Variants in SVIL observed in about 807,000 individuals in gnomAD.
The protein encoded by SVIL is supervillin.
A neutral mutation model predicts 240.4 loss-of-function variants in SVIL; 101 were observed. The observed-to-expected ratio is 0.42, with a 90% confidence interval of 0.36 to 0.50. The LOEUF (loss-of-function observed/expected upper bound fraction) is 0.50. Ranked by LOEUF, SVIL falls within the 20% of genes least tolerant of loss-of-function variation. The pLI, the probability that SVIL is intolerant of heterozygous loss-of-function variation, is 0.01. For missense variants in SVIL, 2,512 were observed against 2,818.7 expected, an observed-to-expected ratio of 0.89 and a Z score of 2.46; for synonymous variants, 999 against 1,100.0, an observed-to-expected ratio of 0.91 and a Z score of 1.82.
chr10:29,589,065 T>C (rs1310706062), intron 1 of SVIL, among the ~76,000 whole-genome samples: 1 of 152,154 alleles, frequency 6.6e-6, no homozygotes, highest in Non-Finnish European at 1.5e-5. Context: ...TTAAGTGGAT[T>C]GAGATGCCTC....
At position 29,523,863 on chromosome 10, in the gene SVIL, A is replaced by C; in HGVS notation, c.2751T>G (p.Asn917Lys). ...GAATGCTTCTAACTGGAGAGTCCGAATTTTCTATTGAAGAAGAAAACTTAT... is the reference window on the plus strand; with the variant it reads ...GAATGCTTCTAACTGGAGAGTCCGACTTTTCTATTGAAGAAGAAAACTTAT... ...TDYKFSSSIE[N>K]SDSPVRSILK... The change falls in exon 15 of 38, where the codon AAT (asparagine) becomes AAG (lysine). Residue 917 changes from asparagine to lysine, a missense_variant. Coordinates refer to ENST00000355867, the MANE Select transcript of SVIL (RefSeq NM_021738.3). 6.2e-7 allele frequency: 1 copy of C among 1,614,180 alleles called. No homozygotes were observed. The highest frequency in any genetic ancestry group is 1.1e-5 in the South Asian group (1 of 91,082).
chr10:29,663,817 G>C (rs1959185301), intron 2 of SVIL, among the ~76,000 whole-genome samples: 1 of 152,366 alleles, frequency 6.6e-6, no homozygotes, highest in Admixed American at 6.5e-5. Flanking sequence ...GCAGTGGGCA[G>C]AGCAGCCGCT....
intron 17 of SVIL, among the ~76,000 whole-genome samples, chr10:29,501,986 A>G (rs369579578): frequency 3.2e-4 from 49 of 152,292 alleles, no homozygotes; most frequent in African/African-American, 1.1e-3. Flanking sequence ...TGGTATCTTC[A>G]AATCCAAAAT....
intron 29 of SVIL, among the ~76,000 whole-genome samples, chr10:29,476,948 C>T (rs1014615766): frequency 3.3e-5 from 5 of 152,096 alleles, no homozygotes; most frequent in African/African-American, 1.2e-4. Context: ...GTGCCACCTC[C>T]GCCTCCCGGG....
At chr10:29,661,738 A>T (rs1959166201) in intron 2 of SVIL, among the ~76,000 whole-genome samples, 1 of 152,224 alleles carries the variant, frequency 6.6e-6, no homozygotes, top group African/African-American at 2.4e-5. Flanking sequence ...GCTTTGACAG[A>T]TGGTGCCCAT....
At position 29,643,978 on chromosome 10, in the gene SVIL, A is replaced by G. The variant is rs754628648; in HGVS notation, c.-201+13991T>C. 5.8e-6 allele frequency: 3 copies of G among 518,462 alleles called. No homozygotes were observed. In the Admixed American group the frequency reaches 5.8e-5, roughly 10 times the overall value. 32.1% of individuals were successfully genotyped at this position (518,462 alleles called of 1,614,324 possible). A position where few individuals can be genotyped will look rare whatever the true frequency, so the allele number is the denominator to read the frequency against. On this transcript the variant is annotated intron_variant, in intron 3 of 35. Coordinates refer to the SVIL transcript ENST00000375400. The stretch of plus-strand genomic sequence containing the variant: ...GAGACCCAGCCTCTCACACGGCTGG[A>G]GCAACATCGCGTTCCTGGACACCAG...
chr10:29,643,550 G>A (rs548556133), intron 3 of SVIL, among the ~76,000 whole-genome samples: 12 of 152,274 alleles, frequency 7.9e-5, no homozygotes, highest in African/African-American at 2.9e-4. Context: ...CCATGGGCAA[G>A]TCATTTTGTT....
intron 17 of SVIL, among the ~76,000 whole-genome samples, chr10:29,500,073 C>T (rs369452590): frequency 2.6e-5 from 4 of 151,794 alleles, no homozygotes; most frequent in African/African-American, 7.3e-5. Context: ...ACTCAAAGGG[C>T]ATCAGGAAAG....
At chr10:29,720,640 C>G (rs1963915171) in intron 1 of SVIL, among the ~76,000 whole-genome samples, 1 of 152,132 alleles carries the variant, frequency 6.6e-6, no homozygotes, top group African/African-American at 2.4e-5. Flanking sequence ...AGAGCTTTCT[C>G]CTTATTATTT....
At chr10:29,584,413 C>A (rs1956076346) in intron 1 of SVIL, among the ~76,000 whole-genome samples, 1 of 152,196 alleles carries the variant, frequency 6.6e-6, no homozygotes, top group African/African-American at 2.4e-5. Context: ...AGCTTCCCTG[C>A]CCTGCTGCCA....
upstream of SVIL, chr10:29,736,702 G>A (rs1964916823): frequency 6.6e-6 from 1 of 152,280 alleles, no homozygotes; most frequent in Non-Finnish European, 1.5e-5. Flanking sequence ...CGCTCCTGCA[G>A]AGCCCGACTG....
intron 6 of SVIL, among the ~76,000 whole-genome samples, chr10:29,536,298 G>A (rs1951738429): frequency 2.0e-5 from 3 of 152,208 alleles, no homozygotes; most frequent in African/African-American, 7.2e-5. Context: ...CACAACCTGT[G>A]GGCTGCTGTG....
intron 1 of SVIL, among the ~76,000 whole-genome samples, chr10:29,627,212 T>C (rs1957909190): frequency 8.9e-6 from 1 of 112,346 alleles, no homozygotes; most frequent in Non-Finnish European, 2.2e-5. Context: ...TTGTTCCTGC[T>C]CTCCCACCTT....
In SVIL at chr10:29,491,504, C is replaced by T. The variant is rs565225832; in HGVS notation, c.4020-485G>A. Among the ~76,000 whole-genome samples the T allele has an allele frequency of 2.0e-5, 3 of 152,338 alleles. No individual in the cohort carries two copies. In the South Asian group the frequency reaches 6.2e-4, roughly 32 times the overall value. The stretch of plus-strand genomic sequence containing the variant: ...TCCCTATGCAATAGCTTTCGGTCCC[C>T]TTACTGACCCTCCATGACTAGCTTC... On this transcript the variant is annotated intron_variant, in intron 21 of 37. Transcript: ENST00000355867.
chr10:29,485,791 G>A (rs1356349617), intron 26 of SVIL, among the ~76,000 whole-genome samples: 3 of 152,162 alleles, frequency 2.0e-5, no homozygotes, highest in Non-Finnish European at 4.4e-5. Context: ...TTATTATAAT[G>A]TTTATGCAAA....
At position 29,463,650 on chromosome 10, in the gene SVIL, A is replaced by C; in HGVS notation, c.6134-15T>G. On this transcript the variant is annotated splice_polypyrimidine_tract_variant and intron_variant, in intron 34 of 37. Coordinates refer to ENST00000355867, the MANE Select transcript of SVIL (RefSeq NM_021738.3). ...AAGGAAAAGTGCTGTGAGGGCAGGG[A>C]CAGGGCCAGACCATCAGGAGCTCCT... is the stretch of plus-strand genomic sequence containing the variant. 6.2e-7 allele frequency: 1 copy of C among 1,612,406 alleles called. No individual in the cohort carries two copies. Among genetic ancestry groups the C allele is most frequent in the East Asian group, 2.2e-5 (1 of 44,858 alleles).
rs1372928834 is a variant in SVIL at position 29,473,890 on chromosome 10, T to C, written c.5477A>G (p.Lys1826Arg). The C allele has an allele frequency of 8.1e-6, 13 of 1,613,736 alleles. No individual in the cohort carries two copies. In the Admixed American group the frequency reaches 1.3e-4, roughly 17 times the overall value. Residue 1826 changes from lysine to arginine, a missense_variant, in exon 30 of 38, where the codon AAG (lysine) becomes AGG (arginine). Around this residue, in one of 3 missense-constraint regions of SVIL, gnomAD observed 797 missense variants for 925.3 expected, o/e 0.86. Transcript: ENST00000355867. ...WQGRHSTVSE[K>R]GTSALMTVEL... ...CACCGTCATCAGCGCCGACGTGCCC[T>C]TCTCACTCACGGTGGAGTGCCGGCC... is the stretch of plus-strand genomic sequence containing the variant.
chr10:29,664,510 A>G (rs1018196833), intron 2 of SVIL, among the ~76,000 whole-genome samples: 1 of 152,154 alleles, frequency 6.6e-6, no homozygotes, highest in African/African-American at 2.4e-5. Flanking sequence ...TATAAATAAC[A>G]ATTACAGCTA....
chr10:29,630,614 G>A (rs1958047734), intron 1 of SVIL, among the ~76,000 whole-genome samples: 1 of 152,070 alleles, frequency 6.6e-6, no homozygotes, highest in African/African-American at 2.4e-5. Context: ...TTCCAATAAT[G>A]AAGTGACTGA....
Sources: gnomAD v4.1 joint callset for allele counts (sites outside exome capture counted in the v4.1 genomes callset) on GRCh38, gnomAD v4.1.1 for gene constraint, gnomAD v4.1.1 regional missense constraint, MANE v1.5 for transcripts, NCBI Gene and HGNC (gene_info 2026-07-23, HGNC 2026-07-21) for gene names.